MYT1L: variants seen among roughly 807,000 people sequenced by gnomAD.
MYT1L encodes myelin transcription factor 1 like.
A neutral mutation model predicts 126.7 loss-of-function variants in MYT1L; 12 were observed. That is an observed-to-expected ratio of 0.09 (90% CI 0.06 to 0.15). The LOEUF is 0.15. Among genes scored for constraint, MYT1L ranks in the 10% least tolerant of loss-of-function variants. The probability of loss-of-function intolerance (pLI) is 1.00; values close to 1 mark genes in which losing one functional copy is unlikely to be tolerated. For synonymous variants in MYT1L, 541 were observed against 604.2 expected, an observed-to-expected ratio of 0.90 and a Z score of 1.53; for missense variants, 979 against 1,585.2, an observed-to-expected ratio of 0.62 and a Z score of 6.49.
intron 1 of MYT1L, among the ~76,000 whole-genome samples, chr2:2,300,138 C>G (rs953824716): frequency 6.6e-6 from 1 of 152,170 alleles, no homozygotes; most frequent in African/African-American, 2.4e-5. Context: ...TTCTTTGTGC[C>G]TAATGATGAC....
intron 4 of MYT1L, among the ~76,000 whole-genome samples, chr2:2,022,959 T>C (rs573829094): frequency 8.1e-4 from 124 of 152,298 alleles, no homozygotes; most frequent in African/African-American, 2.7e-3. Context: ...CATTCAGGAC[T>C]CACCTACATG....
intron 11 of MYT1L, among the ~76,000 whole-genome samples, chr2:1,916,407 G>T (rs1295588811): frequency 6.6e-6 from 1 of 152,154 alleles, no homozygotes; most frequent in African/African-American, 2.4e-5. Flanking sequence ...CTCTTCCCAT[G>T]CCGTAGACTC....
chr2:1,962,204 A>T (rs1222751987), intron 8 of MYT1L, among the ~76,000 whole-genome samples: 1 of 152,232 alleles, frequency 6.6e-6, no homozygotes, highest in Non-Finnish European at 1.5e-5. Context: ...AATCTAAAGT[A>T]GACTGTGTCT....
chr2:2,140,177 A>T (rs1016325250), intron 3 of MYT1L, among the ~76,000 whole-genome samples: 1 of 152,194 alleles, frequency 6.6e-6, no homozygotes, highest in African/African-American at 2.4e-5. Flanking sequence ...GTTGACATAC[A>T]TTGATGAGCA....
intron 11 of MYT1L, among the ~76,000 whole-genome samples, chr2:1,915,490 C>T (rs1204747351): frequency 6.6e-6 from 1 of 152,162 alleles, no homozygotes; most frequent in Non-Finnish European, 1.5e-5. Flanking sequence ...AGAAGAATTT[C>T]CCATCCATAA....
At chr2:1,975,421 T>C (rs1022562048) in intron 8 of MYT1L, among the ~76,000 whole-genome samples, 2 of 152,230 alleles carry the variant, frequency 1.3e-5, no homozygotes, top group Non-Finnish European at 1.5e-5. Flanking sequence ...AAATCTCTTA[T>C]GTTGAAAATT....
chr2:2,321,488 C>T (rs185888554), intron 1 of MYT1L, among the ~76,000 whole-genome samples: 6 of 152,154 alleles, frequency 3.9e-5, no homozygotes, highest in Non-Finnish European at 7.4e-5. Flanking sequence ...GAGGTTGGGC[C>T]GAATTTAAAG....
chr2:2,269,231 T>A (rs2095208947), intron 2 of MYT1L, among the ~76,000 whole-genome samples: 1 of 152,194 alleles, frequency 6.6e-6, no homozygotes, highest in Non-Finnish European at 1.5e-5. Flanking sequence ...TTACAATACT[T>A]TTTGGAAATG....
chr2:2,070,426 C>A (rs1211746427), intron 3 of MYT1L, among the ~76,000 whole-genome samples: 1 of 152,170 alleles, frequency 6.6e-6, no homozygotes, highest in African/African-American at 2.4e-5. Context: ...CAGCTCACAG[C>A]CTTACTGGGA....
intron 1 of MYT1L, among the ~76,000 whole-genome samples, chr2:2,295,697 GAGAGAGACAGACAGACAGAGAGAGAGAT>G (rs2095673546): frequency 2.1e-5 from 3 of 141,640 alleles, no homozygotes; most frequent in Non-Finnish European, 3.2e-5. Flanking sequence ...GAGAGAGAGA[GAGAGAGACAGACAGACAGAGAGAGAGAT>G]AGAGAGACAG....
At chr2:1,843,772 T>C (rs2042147695) in intron 19 of MYT1L, among the ~76,000 whole-genome samples, 1 of 152,204 alleles carries the variant, frequency 6.6e-6, no homozygotes, top group South Asian at 2.1e-4. Context: ...CTGTAGGCCC[T>C]GCCCCCTGCC....
intron 4 of MYT1L, among the ~76,000 whole-genome samples, chr2:2,045,596 C>T (rs1412826229): frequency 6.6e-6 from 1 of 152,210 alleles, no homozygotes; most frequent in Non-Finnish European, 1.5e-5. Flanking sequence ...CTTAAGAGAG[C>T]ATGCAAAGCA....
chr2:2,145,375 C>A (rs1386632018), intron 3 of MYT1L, among the ~76,000 whole-genome samples: 1 of 152,184 alleles, frequency 6.6e-6, no homozygotes, highest in Non-Finnish European at 1.5e-5. Flanking sequence ...GCGCTCTAAC[C>A]TGTGTCTGAG....
chr2:2,085,740 C>T (rs1393809607), intron 3 of MYT1L, among the ~76,000 whole-genome samples: 2 of 152,154 alleles, frequency 1.3e-5, no homozygotes, highest in Admixed American at 1.3e-4. Context: ...CTGTTTTATG[C>T]CCTAGCTGGA....
intron 1 of MYT1L, among the ~76,000 whole-genome samples, chr2:2,328,570 G>A (rs1413269826): frequency 6.6e-6 from 1 of 152,178 alleles, no homozygotes; most frequent in Non-Finnish European, 1.5e-5. Flanking sequence ...ATTGGCATAA[G>A]TTCTGCTGTT....
At chr2:2,138,510 A>G (rs1175962330) in intron 3 of MYT1L, among the ~76,000 whole-genome samples, 2 of 146,948 alleles carry the variant, frequency 1.4e-5, no homozygotes, top group African/African-American at 5.1e-5. Flanking sequence ...AATACTATGC[A>G]GCCACAAAAA....
chr2:1,814,125 G>A, intron 21 of MYT1L, among the ~76,000 whole-genome samples: 1 of 152,004 alleles, frequency 6.6e-6, no homozygotes, highest in East Asian at 1.9e-4. Context: ...TTTGCGACGG[G>A]CTCTTCTCAC....
chr2:2,043,345 G>GGAATGC (rs200308439), intron 4 of MYT1L, among the ~76,000 whole-genome samples: 1,961 of 152,100 alleles, frequency 0.013, 40 homozygotes, highest in African/African-American at 0.045. Flanking sequence ...AATTACAATG[G>GGAATGC]GAATGCCATG....
At chr2:2,113,046 G>A (rs910207343) in intron 3 of MYT1L, among the ~76,000 whole-genome samples, 1 of 152,158 alleles carries the variant, frequency 6.6e-6, no homozygotes, top group Non-Finnish European at 1.5e-5. Flanking sequence ...GCATAAGGAG[G>A]GTGCTGATGA....
Sources: allele counts gnomAD v4.1 joint callset (sites outside exome capture counted in the v4.1 genomes callset), GRCh38; gene constraint gnomAD v4.1.1; transcripts MANE v1.5; gene names NCBI Gene and HGNC (gene_info 2026-07-23, HGNC 2026-07-21).